PEX11A: variants seen among roughly 807,000 people sequenced by gnomAD.
PEX11A encodes peroxisomal biogenesis factor 11 alpha, also known as peroxisomal membrane protein 11A.
A neutral mutation model predicts 14.4 loss-of-function variants in PEX11A; 13 were observed. That is an observed-to-expected ratio of 0.90 (90% confidence interval 0.59 to 1.43). PEX11A has a LOEUF of 1.43. Ranked by LOEUF, PEX11A falls within the 40% of genes most tolerant of loss-of-function variation. The pLI is 0.00. For missense variants in PEX11A, 290 were observed against 302.8 expected (o/e 0.96, Z 0.31); for synonymous variants, 101 against 113.0 (o/e 0.89, Z 0.67).
In PEX11A at chr15:89,682,900, A is replaced by C; in HGVS notation, c.*477T>G. On this transcript the variant is annotated 3_prime_UTR_variant, in exon 3 of 3. Coordinates refer to ENST00000300056, the MANE Select transcript of PEX11A (RefSeq NM_003847.3). Reference sequence around the variant, plus strand: ...AAGGGCCAACAAGTTGAGAGGCTGTAAGCCCAGCTCTCCTCCATCCTGCTA... The same window carrying C: ...AAGGGCCAACAAGTTGAGAGGCTGTCAGCCCAGCTCTCCTCCATCCTGCTA... The C allele has an allele frequency of 6.3e-6, 1 of 159,382 alleles. No individual in the cohort carries two copies. Among genetic ancestry groups the C allele is most frequent in the Non-Finnish European group, 1.4e-5 (1 of 72,668 alleles). 9.9% of individuals were successfully genotyped at this position (159,382 alleles called of 1,614,324 possible).
chr15:89,689,664 A>G (rs1964765353), intron 1 of PEX11A, among the ~76,000 whole-genome samples: 1 of 152,214 alleles, frequency 6.6e-6, no homozygotes, highest in South Asian at 2.1e-4. Flanking sequence ...TTAGAGGTGC[A>G]GTTAGTTCTT....
chr15:89,683,459 A>G lies in PEX11A; in HGVS notation c.662T>C (p.Ile221Thr). Residue 221 changes from isoleucine to threonine, a missense_variant, in exon 3 of 3, where the codon ATC becomes ACC. By Grantham distance (89) the Ile-to-Thr change is moderately conservative. Coordinates refer to ENST00000300056, the MANE Select transcript of PEX11A (RefSeq NM_003847.3). The stretch of plus-strand genomic sequence containing the variant: ...GGACACAAGACCTCCAAGTCCAATG[A>G]TGCCAGGATTGGATTTATAGATCCC... Reference protein sequence around the residue: ...QLGIYKSNPGIIGLGGLVSSI... With the variant: ...QLGIYKSNPGTIGLGGLVSSI... 1 of 1,613,864 alleles carries G rather than the reference A, an allele frequency of 6.2e-7. No homozygotes were observed. The highest frequency in any genetic ancestry group is 8.5e-7 in the Non-Finnish European group (1 of 1,179,722).
At chr15:89,687,968 T>G (rs1964701559) in intron 1 of PEX11A, 1 of 553,518 alleles carries the variant, frequency 1.8e-6, no homozygotes, top group South Asian at 1.4e-5. Context: ...TCTTCTTATC[T>G]CCTCCCAGTT....
Position 89,686,119 on chromosome 15 carries a change from G to A in PEX11A, c.172+312C>T, listed in dbSNP as rs550435348. 4.6e-5 allele frequency among the ~76,000 whole-genome samples: 7 copies of A among 152,314 alleles called. No individual in the cohort carries two copies. The South Asian group carries it at 1.5e-3, about 32-fold the overall frequency. On this transcript the variant is annotated intron_variant, in intron 2 of 2. Transcript: ENST00000300056. Reference sequence around the variant, plus strand: ...GGGGCTCACAGGAGCAGAAGCTCATGTCAGAGACTGCTAAAACATACTATG... The same window carrying A: ...GGGGCTCACAGGAGCAGAAGCTCATATCAGAGACTGCTAAAACATACTATG...
chr15:89,690,737 G>A lies in PEX11A; in HGVS notation c.-105C>T. The A allele has an allele frequency of 1.3e-6, 1 of 785,048 alleles. No homozygotes were observed. The allele number at this position is 785,048 out of a possible 1,614,324, so 48.6% of individuals were successfully genotyped here. A position where few individuals can be genotyped will look rare whatever the true frequency, so the allele number is the denominator to read the frequency against. On this transcript the variant is annotated 5_prime_UTR_variant, in exon 1 of 3. Coordinates refer to ENST00000300056, the MANE Select transcript of PEX11A (RefSeq NM_003847.3). ...TCAGTCCCAGGTTATCCGCTGAGGGGGAGGGGCTGAGTCTCTCCGCCCCAG... is the reference window on the plus strand; with the variant it reads ...TCAGTCCCAGGTTATCCGCTGAGGGAGAGGGGCTGAGTCTCTCCGCCCCAG...
intron 1 of PEX11A, among the ~76,000 whole-genome samples, chr15:89,688,936 G>C (rs762124661): frequency 1.3e-5 from 2 of 151,174 alleles, no homozygotes; most frequent in Non-Finnish European, 2.9e-5. Flanking sequence ...GGATGGTCTC[G>C]ATCTCCTGAC....
At chr15:89,684,059 A>G in intron 2 of PEX11A, 111 bp from the exon 3 acceptor site, 8 of 752,594 alleles carry the variant, frequency 1.1e-5, no homozygotes, top group Non-Finnish European at 1.5e-5. Context: ...TTGTTGAGAC[A>G]GGGTCTTGCT....
chr15:89,688,315 G>T (rs1195741089), intron 1 of PEX11A: 2 of 360,414 alleles, frequency 5.5e-6, no homozygotes, highest in Non-Finnish European at 1.1e-5. Context: ...GGTCATAAAG[G>T]TTATACAGAT....
chr15:89,684,043 T>C (rs1964641522), intron 2 of PEX11A, 95 bp from the exon 3 acceptor site: 3 of 878,768 alleles, frequency 3.4e-6, no homozygotes, highest in Non-Finnish European at 5.3e-6. Flanking sequence ...AGCTTTTTGT[T>C]GTTTTTTGTT....
chr15:89,681,808 C>T lies in PEX11A; in HGVS notation c.*1569G>A. The stretch of plus-strand genomic sequence containing the variant: ...CTCATTTCCATTCAGATAAATGACA[C>T]AGCTTTGCTGGGAGGACTGACATCG... On this transcript the variant is annotated 3_prime_UTR_variant, in exon 3 of 3. Transcript: ENST00000300056. 3.0e-6 allele frequency: 1 copy of T among 334,016 alleles called. No homozygotes were observed. The highest frequency in any genetic ancestry group is 5.4e-5 in the South Asian group (1 of 18,542). 20.7% of individuals were successfully genotyped at this position (334,016 alleles called of 1,614,324 possible). A position where few individuals can be genotyped will look rare whatever the true frequency, so the allele number is the denominator to read the frequency against.
At chr15:89,688,712 T>A (rs928698837) in intron 1 of PEX11A, among the ~76,000 whole-genome samples, 2 of 137,328 alleles carry the variant, frequency 1.5e-5, no homozygotes, top group Non-Finnish European at 3.1e-5. Context: ...GATTATTATT[T>A]TTAATGTTTT....
intron 2 of PEX11A, among the ~76,000 whole-genome samples, chr15:89,684,361 T>C (rs1964646899): frequency 6.6e-6 from 1 of 152,198 alleles, no homozygotes; most frequent in African/African-American, 2.4e-5. Flanking sequence ...ATGAACACCT[T>C]AATGTTGACT....
chr15:89,690,511 A>T, intron 1 of PEX11A, 66 bp downstream of exon 1: 1 of 1,215,946 alleles, frequency 8.2e-7, no homozygotes, highest in South Asian at 1.3e-5. Flanking sequence ...TCCCGGGTGC[A>T]GGGGAATAGG....
intron 1 of PEX11A, among the ~76,000 whole-genome samples, chr15:89,687,741 A>G (rs1210409410): frequency 6.6e-6 from 1 of 152,244 alleles, no homozygotes. Context: ...CTGGAATCAT[A>G]AACAATCGCT....
At position 89,683,435 on chromosome 15, in the gene PEX11A, G is replaced by A. The variant is rs1964626344; in HGVS notation, c.686C>T (p.Ser229Phe). The A allele has an allele frequency of 1.2e-6, 2 of 1,613,944 alleles. No individual in the cohort carries two copies. Among genetic ancestry groups the A allele is most frequent in the Non-Finnish European group, 1.7e-6 (2 of 1,179,946 alleles). Reference sequence around the variant, plus strand: ...CACAGTGATCATGCCTGCTATAGAGGACACAAGACCTCCAAGTCCAATGAT... The same window carrying A: ...CACAGTGATCATGCCTGCTATAGAGAACACAAGACCTCCAAGTCCAATGAT... The part of the protein sequence containing the change: ...PGIIGLGGLV[S>F]SIAGMITVAY... The change falls in exon 3 of 3, where the codon TCC becomes TTC. Residue 229 changes from serine (S) to phenylalanine (F), a missense_variant. Coordinates refer to ENST00000300056, the MANE Select transcript of PEX11A (RefSeq NM_003847.3).
In PEX11A at chr15:89,683,655, T is replaced by C. The variant is rs773000385; in HGVS notation, c.466A>G (p.Lys156Glu). The change falls in exon 3 of 3, where the codon AAA becomes GAA. Residue 156 changes from lysine (K) to glutamate (E), a missense_variant. Transcript: ENST00000300056. ...MKRVTCDRAK[K>E]EKSASQDPLW... Reference sequence around the variant, plus strand: ...GGATCCTGGGATGCTGATTTCTCTTTCTTTGCCCTGTCACATGTAACTCGT... The same window carrying C: ...GGATCCTGGGATGCTGATTTCTCTTCCTTTGCCCTGTCACATGTAACTCGT... The C allele has an allele frequency of 6.2e-7, 1 of 1,614,190 alleles. No homozygotes were observed. The highest frequency in any genetic ancestry group is 2.2e-5 in the East Asian group (1 of 44,884).
intron 1 of PEX11A, chr15:89,687,860 T>A (rs1395546210): frequency 2.5e-6 from 1 of 406,828 alleles, no homozygotes; most frequent in Non-Finnish European, 4.7e-6. Flanking sequence ...AAGACATTAC[T>A]TTTATTTATT....
At chr15:89,689,546 T>TGTA (rs1443243308) in intron 1 of PEX11A, among the ~76,000 whole-genome samples, 1 of 152,208 alleles carries the variant, frequency 6.6e-6, no homozygotes, top group African/African-American at 2.4e-5. Flanking sequence ...GAACTAGTAC[T>TGTA]GTATTCGTAT....
rs1042063922 is a variant in PEX11A, at chr15:89,682,651, C to G, written c.*726G>C. On this transcript the variant is annotated 3_prime_UTR_variant, in exon 3 of 3. Transcript: ENST00000300056. Reference sequence around the variant, plus strand: ...GATTAGGAGTCAGAGGAATGAGGCTCTAGCCTCAGTTTTTTGTTTGTCTCA... The same window carrying G: ...GATTAGGAGTCAGAGGAATGAGGCTGTAGCCTCAGTTTTTTGTTTGTCTCA... 5.3e-5 allele frequency: 8 copies of G among 152,240 alleles called. No homozygotes were observed. The highest frequency in any genetic ancestry group is 1.7e-4 in the African/African-American group (7 of 41,466). The allele number at this position is 152,240 out of a possible 1,614,324, so 9.4% of individuals were successfully genotyped here.
Sources: allele counts gnomAD v4.1 joint callset (sites outside exome capture counted in the v4.1 genomes callset), GRCh38; gene constraint gnomAD v4.1.1; transcripts MANE v1.5; gene names NCBI Gene and HGNC (gene_info 2026-07-23, HGNC 2026-07-21).